The following DYNC2I2 variants were observed in gnomAD, a reference collection of about 807,000 sequenced individuals.
DYNC2I2 encodes dynein 2 intermediate chain 2.
In DYNC2I2, 39 loss-of-function variants were observed where a neutral mutation model predicts 52.0. The observed-to-expected ratio is 0.75, with a 90% CI of 0.58 to 0.98. DYNC2I2 has a LOEUF of 0.98. DYNC2I2 is among the 50% of genes least tolerant of loss of function. DYNC2I2 has a pLI of 0.00. For missense variants in DYNC2I2, 743 were observed against 728.4 expected, an observed-to-expected ratio of 1.02 and a Z score of -0.23; for synonymous variants, 359 against 321.1, an observed-to-expected ratio of 1.12 and a Z score of -1.26.
Position 128,640,673 on chromosome 9 carries a change from C to T in DYNC2I2, c.435+18G>A. 1.2e-6 allele frequency: 2 copies of T among 1,608,990 alleles called. No homozygotes were observed. Among genetic ancestry groups the T allele is most frequent in the South Asian group, 1.1e-5 (1 of 90,850 alleles). On this transcript the variant is annotated intron_variant, in intron 2 of 8. Transcript: ENST00000372715. Reference sequence around the variant, plus strand: ...GGGGCAGGGGCTCGACCCGAGGCTGCACCAGCCCATCCCCTACCATCTGCT... The same window carrying T: ...GGGGCAGGGGCTCGACCCGAGGCTGTACCAGCCCATCCCCTACCATCTGCT...
Position 128,636,960 on chromosome 9 carries a change from G to C in DYNC2I2, c.503C>G (p.Ser168Cys). 6.2e-7 allele frequency: 1 copy of C among 1,613,396 alleles called. No individual in the cohort carries two copies. Among genetic ancestry groups the C allele is most frequent in the Non-Finnish European group, 8.5e-7 (1 of 1,179,998 alleles). ...CACCACAGAGCCAGTGGAGTTCCAG[G>C]AGATGCTGGTCACATGCAGACCCTG... ...QAQGLHVTSI[S>C]WNSTGSVVAC... The change falls in exon 3 of 9, where the codon TCC (serine) becomes TGC (cysteine). Residue 168 changes from serine to cysteine, a missense_variant. Ser to Cys is a moderately radical substitution (Grantham distance 112). Transcript: ENST00000372715.
the DYNC2I2 span, among the ~76,000 whole-genome samples, chr9:128,679,664 T>C: frequency 6.6e-6 from 1 of 151,706 alleles, no homozygotes; most frequent in African/African-American, 2.4e-5. Flanking sequence ...TTTTTTTTTT[T>C]GAGATGGAGT....
At chr9:128,671,510 T>C in the DYNC2I2 span, among the ~76,000 whole-genome samples, 6 of 146,062 alleles carry the variant, frequency 4.1e-5, no homozygotes, top group Non-Finnish European at 7.5e-5. Context: ...AGTCTCACTC[T>C]GTCTCCAGGC....
At chr9:128,644,617 T>C (rs16936868) in intron 1 of DYNC2I2, among the ~76,000 whole-genome samples, 8,548 of 152,176 alleles carry the variant, frequency 0.056, 393 homozygotes, top group East Asian at 0.2. Context: ...CTCACGACAG[T>C]AAACTGCATC....
chr9:128,640,736 G>A lies in DYNC2I2; in HGVS notation c.390C>T (p.His130=), dbSNP rs760042500. 207 of 1,614,078 alleles carry A rather than the reference G, an allele frequency of 1.3e-4. No homozygotes were observed. Among genetic ancestry groups the A allele is most frequent in the Middle Eastern group, 1.6e-4 (1 of 6,084 alleles). The change falls in exon 2 of 9, where the codon CAC becomes CAT. Residue 130 remains histidine (H), a synonymous_variant. Transcript: ENST00000372715. The part of the protein sequence containing the change: ...IRELNKNWQS[H]AFDGFEVNWT... ...AGTTCACCTCGAAGCCATCAAACGC[G>A]TGGCTCTGCCAATTCTTGTTCAGCT...
chr9:128,665,347 G>T, the DYNC2I2 span, among the ~76,000 whole-genome samples: 1 of 152,064 alleles, frequency 6.6e-6, no homozygotes, highest in Non-Finnish European at 1.5e-5. Context: ...CACCGTGCCT[G>T]GCCAAATCTG....
the DYNC2I2 span, among the ~76,000 whole-genome samples, chr9:128,670,442 G>GA: frequency 2.7e-5 from 4 of 147,044 alleles, no homozygotes; most frequent in South Asian, 2.2e-4. Flanking sequence ...TTCCATCTCA[G>GA]AAAAAAAAAG....
the DYNC2I2 span, chr9:128,683,894 G>A: frequency 6.5e-7 from 1 of 1,550,304 alleles, no homozygotes; most frequent in Non-Finnish European, 8.7e-7. Flanking sequence ...TTCCCTAACA[G>A]CATGGCCCCT....
At chr9:128,647,340 G>C (rs574787214) in intron 1 of DYNC2I2, among the ~76,000 whole-genome samples, 7 of 152,276 alleles carry the variant, frequency 4.6e-5, no homozygotes, top group Admixed American at 2.6e-4. Context: ...GGAAGTCAGA[G>C]AAAGAAATGG....
At position 128,655,898 on chromosome 9, in the gene DYNC2I2, G is replaced by A. The variant is rs1240942592; in HGVS notation, c.186+643C>T. ...TGCACTCCAGCCTGGGCGACAGAGC[G>A]AGACTGTCTCAAAAAAAAAAAAAAA... On this transcript the variant is annotated intron_variant, in intron 1 of 8. Coordinates refer to ENST00000372715, the MANE Select transcript of DYNC2I2 (RefSeq NM_052844.4). Among the ~76,000 whole-genome samples the A allele has an allele frequency of 3.0e-5, 4 of 135,012 alleles. No individual in the cohort carries two copies. The Admixed American group carries it at 3.1e-4, about 10-fold the overall frequency. The allele number at this position is 135,012 out of a possible 152,430, so 88.6% of individuals were successfully genotyped here.
chr9:128,640,651 G>C (rs1308713227), intron 2 of DYNC2I2, 40 bp downstream of exon 2: 5 of 1,589,536 alleles, frequency 3.1e-6, no homozygotes, highest in Non-Finnish European at 2.6e-6. Context: ...CAGAAGTGGG[G>C]CAGGGGCTCG....
the DYNC2I2 span, among the ~76,000 whole-genome samples, chr9:128,669,802 C>G: frequency 6.6e-6 from 1 of 152,120 alleles, no homozygotes; most frequent in Non-Finnish European, 1.5e-5. Flanking sequence ...CCTCAGCCTC[C>G]CTAGTAGCTG....
Position 128,636,288 on chromosome 9 carries a change from G to A in DYNC2I2, c.696C>T (p.His232=), listed in dbSNP as rs1474176270. 18 of 1,570,576 alleles carry A rather than the reference G, an allele frequency of 1.1e-5. No homozygotes were observed. The highest frequency in any genetic ancestry group is 2.4e-5 in the East Asian group (1 of 42,524). ...CLAFHPTQPS[H]VAGGLYSGEV... ...ACACAGCAGGCAGCTCACCTGCGAC[G>A]TGGGAGGGCTGCGTGGGGTGGAAGG... is the stretch of plus-strand genomic sequence containing the variant. The change falls in exon 4 of 9, where the codon CAC becomes CAT. Residue 232 remains histidine (H), a synonymous_variant. Transcript: ENST00000372715.
chr9:128,633,677 C>A lies in DYNC2I2; in HGVS notation c.*67G>T, dbSNP rs528155510. ...CTTCCCCCAAAGCTTTGCTTTTCTT[C>A]ATTTGGCTTGCGTCAGAAACACAAG... On this transcript the variant is annotated 3_prime_UTR_variant, in exon 9 of 9. Coordinates refer to ENST00000372715, the MANE Select transcript of DYNC2I2 (RefSeq NM_052844.4). 2.0e-6 allele frequency: 3 copies of A among 1,521,552 alleles called. No homozygotes were observed. Among genetic ancestry groups the A allele is most frequent in the Admixed American group, 3.9e-5 (2 of 50,708 alleles). 94.3% of individuals were successfully genotyped at this position (1,521,552 alleles called of 1,614,324 possible).
intron 3 of DYNC2I2, 131 bp from the exon 4 acceptor site, chr9:128,636,569 G>C: frequency 9.0e-7 from 1 of 1,110,254 alleles, no homozygotes; most frequent in Non-Finnish European, 1.3e-6. Context: ...TCTGGGTATT[G>C]AAGTGGCCCA....
At chr9:128,668,939 C>T in the DYNC2I2 span, among the ~76,000 whole-genome samples, 13 of 151,298 alleles carry the variant, frequency 8.6e-5, no homozygotes, top group South Asian at 2.1e-4. Flanking sequence ...TAACAACTAA[C>T]CTGCCATATG....
At chr9:128,642,769 C>G (rs1781990631) in intron 1 of DYNC2I2, among the ~76,000 whole-genome samples, 1 of 152,008 alleles carries the variant, frequency 6.6e-6, no homozygotes, top group Admixed American at 6.6e-5. Flanking sequence ...AAAAAAATTA[C>G]TTATTGAGCA....
rs1375831454 is a variant in DYNC2I2, at chr9:128,652,448, AAAAG to A, written c.186+4089_186+4092del. On this transcript the variant is annotated intron_variant, in intron 1 of 8. Transcript: ENST00000372715. Reference sequence around the variant, plus strand: ...ACTTCATCTCAAAAAAAAAAAAAAAAAAAGAAAGAAAGAAAGTACCAAGAGTTGG... The same window carrying A: ...ACTTCATCTCAAAAAAAAAAAAAAAAAAAGAAAGAAAGTACCAAGAGTTGG... 1.2e-3 allele frequency among the ~76,000 whole-genome samples: 170 copies of A among 143,316 alleles called. 2 individuals carry two copies. The highest frequency in any genetic ancestry group is 4.3e-3 in the African/African-American group (154 of 35,452). 94.0% of individuals were successfully genotyped at this position (143,316 alleles called of 152,430 possible).
In DYNC2I2 at chr9:128,640,863, T is replaced by G. The variant is rs149490631; in HGVS notation, c.263A>C (p.Gln88Pro). 3 of 1,613,716 alleles carry G rather than the reference T, an allele frequency of 1.9e-6. No individual in the cohort carries two copies. The highest frequency in any genetic ancestry group is 2.5e-6 in the Non-Finnish European group (3 of 1,179,914). The change falls in exon 2 of 9, where the codon CAG (glutamine) becomes CCG (proline). Residue 88 changes from glutamine (Q) to proline (P), a missense_variant. Gln to Pro is a moderately conservative substitution (Grantham distance 76). Coordinates refer to ENST00000372715, the MANE Select transcript of DYNC2I2 (RefSeq NM_052844.4). Reference sequence around the variant, plus strand: ...GCTGACAGGCACGGGGGCCTCCGTCTGCACCTGGGCGTCCACATGATTCCT... The same window carrying G: ...GCTGACAGGCACGGGGGCCTCCGTCGGCACCTGGGCGTCCACATGATTCCT... ...QARNHVDAQV[Q>P]TEAPVPVSVQ...
Sources: allele counts gnomAD v4.1 joint callset (sites outside exome capture counted in the v4.1 genomes callset), GRCh38; gene constraint gnomAD v4.1.1; transcripts MANE v1.5; gene names NCBI Gene and HGNC (gene_info 2026-07-23, HGNC 2026-07-21).